ROBO1: variants seen among roughly 807,000 people sequenced by gnomAD.
ROBO1 encodes the protein roundabout homolog 1.
In ROBO1, 149 loss-of-function variants were observed where a neutral mutation model predicts 195.9. That is an observed-to-expected ratio of 0.76 (90% CI 0.67 to 0.87). The LOEUF (loss-of-function observed/expected upper bound fraction) is 0.87. ROBO1 is among the 40% of genes least tolerant of loss of function. The pLI is 0.00. For missense variants in ROBO1, 1,933 were observed against 2,068.3 expected, an observed-to-expected ratio of 0.93 and a Z score of 1.27; for synonymous variants, 816 against 733.2, an observed-to-expected ratio of 1.11 and a Z score of -1.82.
intron 4 of ROBO1, among the ~76,000 whole-genome samples, chr3:78,806,848 C>G (rs2084557533): frequency 6.6e-6 from 1 of 151,864 alleles, no homozygotes; most frequent in Non-Finnish European, 1.5e-5. Context: ...CACTCTGTTG[C>G]CCAGGCTAGA....
chr3:78,953,723 A>C (rs1319125001), intron 3 of ROBO1, among the ~76,000 whole-genome samples: 1 of 152,016 alleles, frequency 6.6e-6, no homozygotes, highest in Non-Finnish European at 1.5e-5. Context: ...GTCTGGGTTC[A>C]AATCTAGCCT....
chr3:79,056,293 T>C (rs1440968672), intron 3 of ROBO1, among the ~76,000 whole-genome samples: 2 of 152,112 alleles, frequency 1.3e-5, no homozygotes, highest in Non-Finnish European at 2.9e-5. Context: ...ACAAGTGCTT[T>C]CACCAGTTCG....
At chr3:79,669,700 A>G (rs1390486740) in intron 1 of ROBO1, among the ~76,000 whole-genome samples, 2 of 151,876 alleles carry the variant, frequency 1.3e-5, no homozygotes, top group African/African-American at 4.8e-5. Flanking sequence ...GCATCACTGT[A>G]TACATAAGAG....
At chr3:79,592,283 T>C (rs1442595219) in intron 1 of ROBO1, among the ~76,000 whole-genome samples, 9 of 151,984 alleles carry the variant, frequency 5.9e-5, no homozygotes, top group Admixed American at 4.6e-4. Flanking sequence ...TTATAATTGA[T>C]TGAATTCCCC....
chr3:78,794,526 A>G (rs770394205), intron 4 of ROBO1, among the ~76,000 whole-genome samples: 6 of 152,178 alleles, frequency 3.9e-5, no homozygotes, highest in Non-Finnish European at 7.4e-5. Flanking sequence ...AACAACCAGG[A>G]TGTAGAGTGT....
chr3:78,615,031 G>A (rs1033881713), intron 27 of ROBO1, among the ~76,000 whole-genome samples: 11 of 151,980 alleles, frequency 7.2e-5, no homozygotes, highest in African/African-American at 2.4e-4. Flanking sequence ...GTTTTAAACC[G>A]CAGTGCTTTT....
intron 29 of ROBO1, among the ~76,000 whole-genome samples, chr3:78,602,472 C>G (rs1703234336): frequency 6.6e-6 from 1 of 152,150 alleles, no homozygotes; most frequent in Non-Finnish European, 1.5e-5. Flanking sequence ...ATTACCCAGT[C>G]TCAGGTTTTT....
At chr3:78,973,411 A>G (rs1381698172) in intron 3 of ROBO1, among the ~76,000 whole-genome samples, 2 of 147,560 alleles carry the variant, frequency 1.4e-5, no homozygotes, top group African/African-American at 2.5e-5. Flanking sequence ...TTTCATATAT[A>G]TATATATATG....
intron 26 of ROBO1, among the ~76,000 whole-genome samples, chr3:78,620,883 ATGTGTG>A (rs199578004): frequency 6.9e-6 from 1 of 144,624 alleles, no homozygotes; most frequent in African/African-American, 2.6e-5. Context: ...ATATATATAT[ATGTGTG>A]TGTGTGTGTG....
intron 2 of ROBO1, among the ~76,000 whole-genome samples, chr3:79,451,123 G>C (rs530337734): frequency 4.6e-5 from 7 of 151,862 alleles, no homozygotes; most frequent in African/African-American, 1.4e-4. Flanking sequence ...AAAATGAATA[G>C]CAGCCATTTG....
chr3:78,756,104 T>C (rs1350310769), intron 4 of ROBO1, among the ~76,000 whole-genome samples: 1 of 152,002 alleles, frequency 6.6e-6, no homozygotes, highest in Non-Finnish European at 1.5e-5. Flanking sequence ...CATATGTGGA[T>C]TATATATATA....
At chr3:79,470,652 C>T (rs145846457) in intron 2 of ROBO1, among the ~76,000 whole-genome samples, 4 of 152,096 alleles carry the variant, frequency 2.6e-5, no homozygotes, top group Admixed American at 2.0e-4. Context: ...GGCAGTTTCC[C>T]TCATACTGTT....
intron 3 of ROBO1, among the ~76,000 whole-genome samples, chr3:79,073,739 C>T (rs1451271984): frequency 1.3e-5 from 2 of 151,596 alleles, no homozygotes; most frequent in Admixed American, 6.6e-5. Context: ...GCCGTCTAAC[C>T]TTGTCTGAAC....
intron 2 of ROBO1, among the ~76,000 whole-genome samples, chr3:79,165,777 G>C (rs975719251): frequency 6.6e-6 from 1 of 152,158 alleles, no homozygotes; most frequent in African/African-American, 2.4e-5. Context: ...GCTTGGATAG[G>C]CTTCAATCCC....
intron 21 of ROBO1, among the ~76,000 whole-genome samples, chr3:78,644,072 T>A (rs1163408857): frequency 6.6e-6 from 1 of 151,980 alleles, no homozygotes; most frequent in African/African-American, 2.4e-5. Context: ...GAAGTCAGTG[T>A]AGGAGTTTGG....
intron 4 of ROBO1, among the ~76,000 whole-genome samples, chr3:78,933,886 C>T (rs1352136542): frequency 1.3e-5 from 2 of 151,872 alleles, no homozygotes; most frequent in Admixed American, 6.6e-5. Flanking sequence ...GTGTCAATTT[C>T]CCACATGATC....
At chr3:79,027,288 A>G (rs1327678286) in intron 3 of ROBO1, among the ~76,000 whole-genome samples, 3 of 152,144 alleles carry the variant, frequency 2.0e-5, no homozygotes, top group South Asian at 2.1e-4. Context: ...TAAATATTCA[A>G]TGTTACACTA....
At chr3:79,717,920 T>A (rs934513616) in intron 1 of ROBO1, among the ~76,000 whole-genome samples, 5 of 152,010 alleles carry the variant, frequency 3.3e-5, no homozygotes, top group African/African-American at 1.2e-4. Context: ...TATGTTTCAA[T>A]GCTTTTTGAT....
chr3:79,307,769 T>C (rs1232216648), intron 2 of ROBO1, among the ~76,000 whole-genome samples: 1 of 152,150 alleles, frequency 6.6e-6, no homozygotes, highest in Non-Finnish European at 1.5e-5. Context: ...TTGATTTGGG[T>C]TAATTTCATT....
Sources: gnomAD v4.1 joint callset for allele counts (sites outside exome capture counted in the v4.1 genomes callset) on GRCh38, gnomAD v4.1.1 for gene constraint, MANE v1.5 for transcripts, NCBI Gene and HGNC (gene_info 2026-07-23, HGNC 2026-07-21) for gene names.